The following FHIT variants were observed in gnomAD, a reference collection of about 807,000 sequenced individuals.
The protein encoded by FHIT is bis(5'-adenosyl)-triphosphatase.
In FHIT, 19 loss-of-function variants were observed where a neutral mutation model predicts 17.9. That is an observed-to-expected ratio of 1.06 (90% confidence interval 0.74 to 1.56). The LOEUF (loss-of-function observed/expected upper bound fraction) is 1.56, where lower values mean the gene tolerates loss of function less well. FHIT is among the 40% of genes most tolerant of loss of function. The probability of loss-of-function intolerance (pLI) is 0.00; values close to 1 mark genes in which losing one functional copy is unlikely to be tolerated. For synonymous variants in FHIT, 81 were observed against 69.7 expected, an observed-to-expected ratio of 1.16 and a Z score of -0.81; for missense variants, 248 against 189.2, an observed-to-expected ratio of 1.31 and a Z score of -1.82.
At chr3:60,330,214 C>CT (rs1394239297) in intron 5 of FHIT, among the ~76,000 whole-genome samples, 4 of 152,166 alleles carry the variant, frequency 2.6e-5, no homozygotes, top group African/African-American at 9.7e-5. Context: ...GCAAGTATTC[C>CT]AGACAATTGG....
At chr3:60,216,165 T>C (rs754920362) in intron 5 of FHIT, among the ~76,000 whole-genome samples, 1 of 152,162 alleles carries the variant, frequency 6.6e-6, no homozygotes, top group Non-Finnish European at 1.5e-5. Context: ...TGCTGGCCAG[T>C]TGCCCACAAG....
chr3:59,880,944 C>T (rs1010146193), intron 8 of FHIT, among the ~76,000 whole-genome samples: 31 of 152,228 alleles, frequency 2.0e-4, no homozygotes, highest in Middle Eastern at 3.4e-3. Flanking sequence ...CCAATAAATA[C>T]AGTCACTTCC....
intron 8 of FHIT, among the ~76,000 whole-genome samples, chr3:59,855,462 T>A (rs368099048): frequency 2.0e-5 from 3 of 152,250 alleles, no homozygotes; most frequent in African/African-American, 7.2e-5. Flanking sequence ...GATTCCATCC[T>A]TATTTAATCT....
intron 7 of FHIT, among the ~76,000 whole-genome samples, chr3:59,981,588 C>A (rs1708657194): frequency 6.6e-6 from 1 of 152,252 alleles, no homozygotes; most frequent in East Asian, 1.9e-4. Flanking sequence ...CATCACAGCA[C>A]CTGACATCCA....
intron 1 of FHIT, among the ~76,000 whole-genome samples, chr3:61,217,464 T>G (rs2106806216): frequency 6.6e-6 from 1 of 152,348 alleles, no homozygotes; most frequent in South Asian, 2.1e-4. Context: ...GGCTTGAGTC[T>G]CCTCACAACA....
chr3:60,472,157 TA>T lies in FHIT; in HGVS notation c.103+64702del, dbSNP rs143951495. On this transcript the variant is annotated intron_variant, in intron 5 of 9. Transcript: ENST00000492590. ...AGTAGCTCTCAGTCTACTTTTTTGT[TA>T]AAAAAAAAAAAGAGCAAAAACAACA... Among the ~76,000 whole-genome samples, 1,210 of 146,640 alleles carry T rather than the reference TA, an allele frequency of 8.3e-3. 21 individuals carry two copies. Among genetic ancestry groups the T allele is most frequent in the African/African-American group, 0.024 (962 of 40,440 alleles).
At chr3:60,353,224 C>G (rs777253100) in intron 5 of FHIT, among the ~76,000 whole-genome samples, 1 of 152,150 alleles carries the variant, frequency 6.6e-6, no homozygotes, top group Non-Finnish European at 1.5e-5. Flanking sequence ...GAATCCTCCA[C>G]TGCTTCTCTA....
chr3:60,285,617 T>C (rs1001213682), intron 5 of FHIT, among the ~76,000 whole-genome samples: 2 of 152,284 alleles, frequency 1.3e-5, no homozygotes, highest in East Asian at 1.9e-4. Flanking sequence ...CCCTAATCAG[T>C]TGAGTTTAAT....
chr3:60,347,689 G>GGGTT (rs1553750581), intron 5 of FHIT, among the ~76,000 whole-genome samples: 2 of 85,304 alleles, frequency 2.3e-5, no homozygotes, highest in Non-Finnish European at 4.8e-5. Flanking sequence ...GGGGGGGGGG[G>GGGTT]TTTGTTTTTT....
At chr3:60,172,190 G>C (rs1053640441) in intron 5 of FHIT, among the ~76,000 whole-genome samples, 3 of 152,198 alleles carry the variant, frequency 2.0e-5, no homozygotes, top group Non-Finnish European at 4.4e-5. Context: ...AGGAGAGCTA[G>C]TTAAGGGAGT....
intron 5 of FHIT, among the ~76,000 whole-genome samples, chr3:60,047,002 T>A (rs1475342822): frequency 6.6e-6 from 1 of 152,218 alleles, no homozygotes; most frequent in Non-Finnish European, 1.5e-5. Context: ...AGTGCCCACT[T>A]TTATCTGCTA....
At chr3:60,936,611 T>C (rs549593422) in intron 3 of FHIT, among the ~76,000 whole-genome samples, 1 of 152,364 alleles carries the variant, frequency 6.6e-6, no homozygotes, top group East Asian at 1.9e-4. Flanking sequence ...GACTATCTTT[T>C]GATTTTTTAT....
At chr3:60,477,504 A>G (rs1200885331) in intron 5 of FHIT, among the ~76,000 whole-genome samples, 2 of 152,170 alleles carry the variant, frequency 1.3e-5, no homozygotes, top group African/African-American at 4.8e-5. Flanking sequence ...GCCAGGCATC[A>G]CACTAACCAC....
chr3:60,695,130 C>A (rs2041085980), intron 4 of FHIT, among the ~76,000 whole-genome samples: 1 of 152,152 alleles, frequency 6.6e-6, no homozygotes, highest in South Asian at 2.1e-4. Context: ...TGCTGTGGCT[C>A]ACTCTTGTAA....
At chr3:60,388,853 C>G (rs1701116248) in intron 5 of FHIT, among the ~76,000 whole-genome samples, 1 of 152,136 alleles carries the variant, frequency 6.6e-6, no homozygotes, top group East Asian at 1.9e-4. Context: ...CTGTATCTAA[C>G]AGACAAGGAG....
intron 4 of FHIT, among the ~76,000 whole-genome samples, chr3:60,625,116 C>T (rs1334696597): frequency 1.3e-5 from 2 of 152,208 alleles, no homozygotes; most frequent in African/African-American, 4.8e-5. Context: ...ACCATGTTGC[C>T]CAGACTGGTC....
intron 4 of FHIT, among the ~76,000 whole-genome samples, chr3:60,706,260 G>C (rs2041370213): frequency 6.6e-6 from 1 of 151,712 alleles, no homozygotes; most frequent in Non-Finnish European, 1.5e-5. Context: ...GGGGGGCAAG[G>C]GGAGGGATAG....
At position 60,676,399 on chromosome 3, in the gene FHIT, G is replaced by A. The variant is rs199952073; in HGVS notation, c.-17-139420C>T. On this transcript the variant is annotated intron_variant, in intron 4 of 9. Coordinates refer to ENST00000492590, the MANE Select transcript of FHIT (RefSeq NM_002012.4). Reference sequence around the variant, plus strand: ...TAGAAGGCTGCAATCTGGAAAGGACGATGGTTGGAAGGGCAGGTGGATGAT... The same window carrying A: ...TAGAAGGCTGCAATCTGGAAAGGACAATGGTTGGAAGGGCAGGTGGATGAT... 9.2e-5 allele frequency among the ~76,000 whole-genome samples: 14 copies of A among 152,316 alleles called. No individual in the cohort carries two copies. In the East Asian group the frequency reaches 2.3e-3, roughly 25 times the overall value.
chr3:60,992,285 T>C (rs1157194234), intron 3 of FHIT, among the ~76,000 whole-genome samples: 1 of 152,248 alleles, frequency 6.6e-6, no homozygotes, highest in Non-Finnish European at 1.5e-5. Flanking sequence ...AAGTGCTCTA[T>C]AACTTGATCT....
Sources: allele counts gnomAD v4.1 joint callset (sites outside exome capture counted in the v4.1 genomes callset), GRCh38; gene constraint gnomAD v4.1.1; transcripts MANE v1.5; gene names NCBI Gene and HGNC (gene_info 2026-07-23, HGNC 2026-07-21).